The following TUSC3 variants were observed in gnomAD, a reference collection of about 807,000 sequenced individuals.
TUSC3 encodes the protein dolichyl-diphosphooligosaccharide--protein glycosyltransferase subunit TUSC3.
A neutral mutation model predicts 44.8 loss-of-function variants in TUSC3; 45 were observed. That is an observed-to-expected ratio of 1.00 (90% CI 0.79 to 1.29). TUSC3 has a LOEUF of 1.29. Ranked by LOEUF, TUSC3 falls within the 50% of genes most tolerant of loss-of-function variation. The pLI, the probability that TUSC3 is intolerant of heterozygous loss-of-function variation, is 0.00. For missense variants in TUSC3, 519 were observed against 437.9 expected (o/e 1.19, Z -1.65); for synonymous variants, 212 against 152.9 (o/e 1.39, Z -2.85).
At chr8:15,735,148 T>A (rs766952774) in intron 7 of TUSC3, among the ~76,000 whole-genome samples, 5 of 151,934 alleles carry the variant, frequency 3.3e-5, no homozygotes, top group Non-Finnish European at 1.5e-5. Context: ...TGTAATAATA[T>A]TAAGGATAGG....
intron 1 of TUSC3, among the ~76,000 whole-genome samples, chr8:15,443,909 G>C (rs1800057058): frequency 6.6e-6 from 1 of 151,854 alleles, no homozygotes; most frequent in Non-Finnish European, 1.5e-5. Context: ...CTCAGCCCAA[G>C]AGGACAACTT....
chr8:15,554,885 G>A (rs1222663560), intron 1 of TUSC3, among the ~76,000 whole-genome samples: 3 of 151,144 alleles, frequency 2.0e-5, no homozygotes, highest in Non-Finnish European at 4.4e-5. Context: ...GATTACAAGC[G>A]TGAGCCACCG....
At chr8:15,673,557 C>T (rs1053400708) in intron 5 of TUSC3, among the ~76,000 whole-genome samples, 190 bp from the exon 6 acceptor site, 16 of 151,978 alleles carry the variant, frequency 1.1e-4, no homozygotes, top group South Asian at 2.1e-4. Flanking sequence ...TTTATAGATA[C>T]GGAATCTGAG....
chr8:15,728,740 A>G (rs1463547378), intron 6 of TUSC3, among the ~76,000 whole-genome samples: 1 of 152,148 alleles, frequency 6.6e-6, no homozygotes, highest in East Asian at 1.9e-4. Flanking sequence ...AAACTGGATG[A>G]CAACACCTGG....
intron 2 of TUSC3, among the ~76,000 whole-genome samples, chr8:15,484,040 C>G (rs1800702750): frequency 6.6e-6 from 1 of 152,028 alleles, no homozygotes; most frequent in South Asian, 2.1e-4. Flanking sequence ...TTCTCTCCCA[C>G]CGTATTAGTA....
At chr8:15,768,952 C>A (rs1312173561), downstream of TUSC3, among the ~76,000 whole-genome samples, 1 of 152,128 alleles carries the variant, frequency 6.6e-6, no homozygotes, top group Non-Finnish European at 1.5e-5. Flanking sequence ...AAACACATTC[C>A]ATGCTCATGG....
chr8:15,717,516 T>A (rs1810102366), intron 6 of TUSC3, among the ~76,000 whole-genome samples: 1 of 152,118 alleles, frequency 6.6e-6, no homozygotes, highest in African/African-American at 2.4e-5. Context: ...ACAGTTTTGC[T>A]TTCCATCCTC....
chr8:15,668,712 T>G (rs1193239688), intron 5 of TUSC3, among the ~76,000 whole-genome samples: 3 of 151,800 alleles, frequency 2.0e-5, no homozygotes, highest in Non-Finnish European at 4.4e-5. Context: ...GTTCTTTGAA[T>G]TAACTGCAAC....
the TUSC3 span, among the ~76,000 whole-genome samples, chr8:15,796,546 T>G: frequency 2.0e-5 from 3 of 152,320 alleles, no homozygotes; most frequent in Admixed American, 2.0e-4. Flanking sequence ...TAGCTGCCAC[T>G]GAGATTCAAC....
chr8:15,770,907 C>G (rs1225672314), downstream of TUSC3, among the ~76,000 whole-genome samples: 3 of 152,056 alleles, frequency 2.0e-5, no homozygotes, highest in Admixed American at 2.0e-4. Context: ...AGCCAATATC[C>G]AAGAAGTTCC....
At chr8:15,648,936 T>A (rs1049537483) in intron 2 of TUSC3, among the ~76,000 whole-genome samples, 4 of 151,724 alleles carry the variant, frequency 2.6e-5, no homozygotes, top group African/African-American at 9.7e-5. Context: ...GAAAATGAAC[T>A]AATAAAGTCC....
At chr8:15,496,654 G>A (rs1316627108) in intron 2 of TUSC3, among the ~76,000 whole-genome samples, 13 of 152,140 alleles carry the variant, frequency 8.5e-5, no homozygotes, top group Non-Finnish European at 1.8e-4. Context: ...GTGGGGAGTA[G>A]GAACAGACCC....
chr8:15,578,871 G>A (rs1324057065), intron 1 of TUSC3, among the ~76,000 whole-genome samples: 1 of 151,982 alleles, frequency 6.6e-6, no homozygotes, highest in African/African-American at 2.4e-5. Flanking sequence ...CTATTGATTG[G>A]AATAGTTTCA....
At chr8:15,533,741 G>C (rs1370594012) in intron 2 of TUSC3, among the ~76,000 whole-genome samples, 1 of 152,172 alleles carries the variant, frequency 6.6e-6, no homozygotes, top group African/African-American at 2.4e-5. Flanking sequence ...AGTATTTAAG[G>C]TTTCAGGGCG....
At chr8:15,806,815 G>T in the TUSC3 span, 3 of 885,622 alleles carry the variant, frequency 3.4e-6, no homozygotes, top group Non-Finnish European at 5.5e-6. Flanking sequence ...GTGAAGAAAT[G>T]AACTTTCCTG....
chr8:15,729,656 A>G (rs542270439), intron 6 of TUSC3, among the ~76,000 whole-genome samples: 1 of 152,218 alleles, frequency 6.6e-6, no homozygotes, highest in African/African-American at 2.4e-5. Flanking sequence ...TAGTAGCTAA[A>G]CATTGAGTAC....
Position 15,474,954 on chromosome 8 carries a change from G to A in TUSC3, n.92-8432G>A, listed in dbSNP as rs747459043. 6.1e-4 allele frequency among the ~76,000 whole-genome samples: 93 copies of A among 152,206 alleles called. 1 individual carries two copies. The highest frequency in any genetic ancestry group is 1.2e-3 in the South Asian group (6 of 4,820). On this transcript the variant is annotated intron_variant and non_coding_transcript_variant, in intron 1 of 5. Transcript: ENST00000503191. ...AATTTCTTATTTATATTGAAGTCAT[G>A]TCCCTTCTGTGACACTTGCAGATGA...
chr8:15,608,964 G>A (rs1235155463), intron 1 of TUSC3, among the ~76,000 whole-genome samples: 1 of 152,090 alleles, frequency 6.6e-6, no homozygotes, highest in Non-Finnish European at 1.5e-5. Flanking sequence ...GAAGAAACTT[G>A]GTAGAATTAA....
chr8:15,438,705 C>T (rs1251183538), intron 1 of TUSC3, among the ~76,000 whole-genome samples: 1 of 152,184 alleles, frequency 6.6e-6, no homozygotes, highest in Non-Finnish European at 1.5e-5. Flanking sequence ...TGTAGAATAA[C>T]AGTCCTTGCT....
Sources: gnomAD v4.1 joint callset for allele counts (sites outside exome capture counted in the v4.1 genomes callset) on GRCh38, gnomAD v4.1.1 for gene constraint, MANE v1.5 for transcripts, NCBI Gene and HGNC (gene_info 2026-07-23, HGNC 2026-07-21) for gene names.